The following LRRC53 variants were observed in gnomAD, a reference collection of about 807,000 sequenced individuals.
The protein encoded by LRRC53 is leucine-rich repeat-containing protein 53.
Under a neutral mutation model 13.6 loss-of-function variants are expected in LRRC53, and 25 were observed. The ratio of observed to expected loss-of-function variants is 1.83; its 90% CI spans 1.34 to 2.56. The LOEUF is 2.56. Ranked by LOEUF, LRRC53 falls within the 30% of genes most tolerant of loss-of-function variation. LRRC53 has a pLI of 0.00. For missense variants in LRRC53, 527 were observed against 275.8 expected, an observed-to-expected ratio of 1.91 and a Z score of -6.45; for synonymous variants, 204 against 109.8, an observed-to-expected ratio of 1.86 and a Z score of -5.37.
At chr1:74,511,107 G>C (rs1236381531) in intron 1 of LRRC53, among the ~76,000 whole-genome samples, 1 of 151,990 alleles carries the variant, frequency 6.6e-6, no homozygotes, top group Non-Finnish European at 1.5e-5. Flanking sequence ...AGGCTGGTCT[G>C]GAACTCCTGG....
intron 4 of LRRC53, among the ~76,000 whole-genome samples, chr1:74,474,531 C>G (rs963632635): frequency 6.6e-6 from 1 of 152,178 alleles, no homozygotes; most frequent in Admixed American, 6.5e-5. Context: ...CATTCATACT[C>G]TTAGAGAAAG....
rs45452500 is a variant in LRRC53, at chr1:74,476,004, T to C, written c.905-194A>G. Among the ~76,000 whole-genome samples the C allele has an allele frequency of 4.6e-3, 696 of 152,312 alleles. 7 individuals carry two copies. Among genetic ancestry groups the C allele is most frequent in the African/African-American group, 0.016 (665 of 41,582 alleles). On this transcript the variant is annotated intron_variant, in intron 3 of 4. Transcript: ENST00000294635. Reference sequence around the variant, plus strand: ...ACATTGTTCTGCTTTCCAATTTGGATCTTTATACCTATTAAAAATTATAAG... The same window carrying C: ...ACATTGTTCTGCTTTCCAATTTGGACCTTTATACCTATTAAAAATTATAAG...
intron 1 of LRRC53, among the ~76,000 whole-genome samples, chr1:74,511,584 A>T (rs1382668539): frequency 6.6e-6 from 1 of 152,140 alleles, no homozygotes; most frequent in Non-Finnish European, 1.5e-5. Context: ...TTTATTAAGC[A>T]GCTCTTATAT....
rs540215166 is a variant in LRRC53 at position 74,470,917 on chromosome 1, G to A, written c.2705C>T (p.Thr902Met). 8 of 400,686 alleles carry A rather than the reference G, an allele frequency of 2.0e-5. No homozygotes were observed. Among genetic ancestry groups the A allele is most frequent in the South Asian group, 1.3e-4 (1 of 7,944 alleles). 24.8% of individuals were successfully genotyped at this position (400,686 alleles called of 1,614,324 possible). ...HSRRATDQGT[T>M]ESTEHMGQNV... ...CTGTCCCATGTGCTCAGTGGACTCC[G>A]TTGTCCCTTGGTCAGTAGCCCTCCT... Residue 902 changes from threonine to methionine, a missense_variant, in exon 5 of 5, where the codon ACG (threonine) becomes ATG (methionine). Thr to Met is a moderately conservative substitution (Grantham distance 81). Transcript: ENST00000294635.
chr1:74,501,887 T>C (rs146378903), intron 1 of LRRC53, among the ~76,000 whole-genome samples: 15 of 152,148 alleles, frequency 9.9e-5, no homozygotes, highest in Admixed American at 3.9e-4. Flanking sequence ...TATATATATA[T>C]ATACATTTTC....
rs545318571 is a variant in LRRC53 at position 74,502,514 on chromosome 1, A to G, written c.-27+10012T>C. ...GGTAGTGTTTTCATTACATCATGCT[A>G]TCTCTGGAGACTTAACTTTGCCAAC... is the stretch of plus-strand genomic sequence containing the variant. On this transcript the variant is annotated intron_variant, in intron 1 of 4. Transcript: ENST00000294635. Among the ~76,000 whole-genome samples, 18 of 152,330 alleles carry G rather than the reference A, an allele frequency of 1.2e-4. No homozygotes were observed. In the Middle Eastern group the frequency reaches 0.01, roughly 86 times the overall value.
upstream of LRRC53, among the ~76,000 whole-genome samples, chr1:74,517,454 C>A (rs940584696): frequency 1.1e-4 from 16 of 152,240 alleles, no homozygotes; most frequent in African/African-American, 3.6e-4. Flanking sequence ...GCTGGTGGTA[C>A]CAGGCTGGAC....
intron 1 of LRRC53, among the ~76,000 whole-genome samples, chr1:74,501,344 G>A (rs537419128): frequency 6.6e-6 from 1 of 152,242 alleles, no homozygotes; most frequent in East Asian, 1.9e-4. Context: ...CAATTTTACA[G>A]GAGAGTTTAA....
chr1:74,486,440 A>G (rs1668768138), intron 1 of LRRC53, among the ~76,000 whole-genome samples: 2 of 151,896 alleles, frequency 1.3e-5, no homozygotes, highest in Middle Eastern at 3.2e-3. Flanking sequence ...TTGCTGGTAT[A>G]TAAGAGTAAA....
the LRRC53 span, among the ~76,000 whole-genome samples, chr1:74,522,493 A>C: frequency 1.3e-5 from 2 of 152,118 alleles, no homozygotes; most frequent in African/African-American, 4.8e-5. Context: ...TACGAGTTGC[A>C]TGACTAATTC....
At chr1:74,512,442 T>C (rs984412116) in intron 1 of LRRC53, 84 bp downstream of exon 1, 2 of 152,176 alleles carry the variant, frequency 1.3e-5, no homozygotes, top group Non-Finnish European at 2.9e-5. Flanking sequence ...TAAGTCTGTC[T>C]CTTTAAATGG....
chr1:74,489,206 T>C, intron 1 of LRRC53: 1 of 1,611,758 alleles, frequency 6.2e-7, no homozygotes, highest in Non-Finnish European at 8.5e-7. Flanking sequence ...CCGAATTTTC[T>C]GAAGTTGTCA....
the LRRC53 span, among the ~76,000 whole-genome samples, chr1:74,533,001 A>T: frequency 6.6e-6 from 1 of 152,190 alleles, no homozygotes; most frequent in African/African-American, 2.4e-5. Context: ...GGACATAGGC[A>T]TGGGCAAGGA....
At chr1:74,525,708 T>G in the LRRC53 span, among the ~76,000 whole-genome samples, 2 of 152,148 alleles carry the variant, frequency 1.3e-5, no homozygotes, top group African/African-American at 4.8e-5. Flanking sequence ...CATGGAGGCC[T>G]GGATGTGCAC....
rs556146312 is a variant in LRRC53, at chr1:74,472,096, A to G, written c.1526T>C (p.Ile509Thr). The G allele has an allele frequency of 1.2e-4, 86 of 717,054 alleles. No homozygotes were observed. The Middle Eastern group carries it at 1.4e-3, about 11-fold the overall frequency. 44.4% of individuals were successfully genotyped at this position (717,054 alleles called of 1,614,324 possible). A position where few individuals can be genotyped will look rare whatever the true frequency, so the allele number is the denominator to read the frequency against. Residue 509 changes from isoleucine (I) to threonine (T), a missense_variant, in exon 5 of 5, where the codon ATA (isoleucine) becomes ACA (threonine). Transcript: ENST00000294635. Reference protein sequence around the residue: ...RLTNESWQPPIEKEDNGLHPH... With the variant: ...RLTNESWQPPTEKEDNGLHPH... The stretch of plus-strand genomic sequence containing the variant: ...GTGTAAGCCATTGTCTTCTTTTTCT[A>G]TTGGAGGCTGCCATGATTCATTTGT...
chr1:74,536,955 G>A, the LRRC53 span, among the ~76,000 whole-genome samples: 1 of 152,166 alleles, frequency 6.6e-6, no homozygotes, highest in Non-Finnish European at 1.5e-5. Flanking sequence ...ATGCACATGG[G>A]TGGAAACAGC....
the LRRC53 span, among the ~76,000 whole-genome samples, chr1:74,526,268 T>C: frequency 6.6e-6 from 1 of 152,116 alleles, no homozygotes; most frequent in African/African-American, 2.4e-5. Context: ...AAAGATGGCC[T>C]TTGAACTTTC....
chr1:74,486,280 C>T (rs1479406166), intron 1 of LRRC53, among the ~76,000 whole-genome samples: 2 of 150,574 alleles, frequency 1.3e-5, no homozygotes, highest in African/African-American at 4.9e-5. Context: ...CACTCCCCTC[C>T]AGGATCTACT....
the LRRC53 span, among the ~76,000 whole-genome samples, chr1:74,523,035 A>T: frequency 6.6e-6 from 1 of 152,196 alleles, no homozygotes; most frequent in Non-Finnish European, 1.5e-5. Flanking sequence ...TCTGTAATAC[A>T]GCCATGTTGT....
Sources: gnomAD v4.1 joint callset for allele counts (sites outside exome capture counted in the v4.1 genomes callset) on GRCh38, gnomAD v4.1.1 for gene constraint, MANE v1.5 for transcripts, NCBI Gene and HGNC (gene_info 2026-07-23, HGNC 2026-07-21) for gene names.